TDRP: variants seen among roughly 807,000 people sequenced by gnomAD.
The protein encoded by TDRP is testis development related protein.
In TDRP, 12 loss-of-function variants were observed where a neutral mutation model predicts 10.5. The observed-to-expected ratio is 1.15, with a 90% CI of 0.73 to 1.86. The LOEUF (loss-of-function observed/expected upper bound fraction) is 1.86. Among genes scored for constraint, TDRP ranks in the 40% most tolerant of loss-of-function variants. The probability of loss-of-function intolerance (pLI) is 0.00; values close to 1 mark genes in which losing one functional copy is unlikely to be tolerated. For synonymous variants in TDRP, 139 were observed against 95.4 expected (o/e 1.46, Z -2.67); for missense variants, 353 against 229.2 (o/e 1.54, Z -3.49).
At chr8:522,114 TG>T (rs1216813639) in intron 1 of TDRP, among the ~76,000 whole-genome samples, 1 of 152,224 alleles carries the variant, frequency 6.6e-6, no homozygotes, top group East Asian at 1.9e-4. Flanking sequence ...TTTGTGTGTT[TG>T]GGATCTTTAG....
At chr8:525,026 C>A (rs1802001151) in intron 1 of TDRP, among the ~76,000 whole-genome samples, 2 of 152,054 alleles carry the variant, frequency 1.3e-5, no homozygotes, top group African/African-American at 2.4e-5. Flanking sequence ...ACTAATCAAA[C>A]TCCTAAAGAC....
Position 494,485 on chromosome 8 carries a change from A to G in TDRP, c.212+9T>C, listed in dbSNP as rs6999653. 126,369 of 1,611,866 alleles carry G rather than the reference A, an allele frequency of 0.078. 5,512 individuals carry two copies. The highest frequency in any genetic ancestry group is 0.17 in the African/African-American group (12,460 of 74,954). ...GAAATGATCATTTTCTTACACAGTTATGACTTACCCTTTGGACTTGGGAGA... is the reference window on the plus strand; with the variant it reads ...GAAATGATCATTTTCTTACACAGTTGTGACTTACCCTTTGGACTTGGGAGA... On this transcript the variant is annotated intron_variant, in intron 2 of 2. Coordinates refer to ENST00000324079, the MANE Select transcript of TDRP (RefSeq NM_001384899.1).
chr8:521,258 A>C (rs1344367008), intron 1 of TDRP, among the ~76,000 whole-genome samples: 1 of 149,964 alleles, frequency 6.7e-6, no homozygotes, highest in African/African-American at 2.4e-5. Context: ...AAAAAAAAAA[A>C]AAAAAAAAAA....
intron 1 of TDRP, among the ~76,000 whole-genome samples, chr8:535,321 A>G (rs116166872): frequency 0.02 from 3,066 of 152,148 alleles, 99 homozygotes; most frequent in African/African-American, 0.07. Context: ...GAGAGGAGGC[A>G]GTCTTCCCTC....
At chr8:533,564 G>A (rs936407650) in intron 1 of TDRP, among the ~76,000 whole-genome samples, 6 of 152,158 alleles carry the variant, frequency 3.9e-5, no homozygotes, top group Non-Finnish European at 7.3e-5. Flanking sequence ...AACCCCAGAC[G>A]TTTCATCGGC....
chr8:512,677 T>C (rs901466469), intron 1 of TDRP, among the ~76,000 whole-genome samples: 3 of 151,824 alleles, frequency 2.0e-5, no homozygotes, highest in African/African-American at 7.3e-5. Context: ...TGAATACATA[T>C]ATAACAAGTG....
Position 539,530 on chromosome 8 carries a change from G to A in TDRP, c.108+5120C>T, listed in dbSNP as rs376435513. On this transcript the variant is annotated intron_variant, in intron 1 of 2. Coordinates refer to ENST00000324079, the MANE Select transcript of TDRP (RefSeq NM_001384899.1). ...AGAATGAGGAAGCTCTTCATGTACT[G>A]GTAAGGGCTACAACTTACTGCAAAT... Among the ~76,000 whole-genome samples, 4 of 152,306 alleles carry A rather than the reference G, an allele frequency of 2.6e-5. No homozygotes were observed. In the East Asian group the frequency reaches 5.8e-4, roughly 22 times the overall value.
rs920644317 is a variant in TDRP at position 490,236 on chromosome 8, G to C, written c.*2163C>G. On this transcript the variant is annotated 3_prime_UTR_variant, in exon 3 of 3. Transcript: ENST00000324079. Reference sequence around the variant, plus strand: ...ATAAATATTTATATTAAAAACCACAGTTAATTTAATCAGGCACAGAAGAAA... The same window carrying C: ...ATAAATATTTATATTAAAAACCACACTTAATTTAATCAGGCACAGAAGAAA... The C allele has an allele frequency of 1.3e-5, 2 of 152,106 alleles. No individual in the cohort carries two copies. Among genetic ancestry groups the C allele is most frequent in the African/African-American group, 4.8e-5 (2 of 41,426 alleles). The allele number at this position is 152,106 out of a possible 1,614,324, so 9.4% of individuals were successfully genotyped here.
intron 1 of TDRP, among the ~76,000 whole-genome samples, chr8:540,763 C>T (rs1002303663): frequency 2.1e-5 from 3 of 143,306 alleles, no homozygotes; most frequent in Non-Finnish European, 1.5e-5. Context: ...GAATGCTTCA[C>T]ATTTCAAATT....
chr8:506,645 C>G (rs993810458), intron 1 of TDRP, among the ~76,000 whole-genome samples: 1 of 152,176 alleles, frequency 6.6e-6, no homozygotes, highest in African/African-American at 2.4e-5. Flanking sequence ...CTCCCCACTA[C>G]GGCAAATGCT....
chr8:538,672 T>C (rs1802413198), intron 1 of TDRP, among the ~76,000 whole-genome samples: 2 of 152,226 alleles, frequency 1.3e-5, no homozygotes, highest in South Asian at 4.1e-4. Flanking sequence ...AATACAGTTA[T>C]CTTGACTACA....
chr8:522,640 T>A (rs1285507736), intron 1 of TDRP, among the ~76,000 whole-genome samples: 2 of 152,246 alleles, frequency 1.3e-5, no homozygotes, highest in Admixed American at 6.5e-5. Flanking sequence ...CATGAAATGC[T>A]TAAAAGGTAG....
In TDRP at chr8:499,769, G is replaced by A. The variant is rs558097777; in HGVS notation, c.109-5172C>T. On this transcript the variant is annotated intron_variant, in intron 1 of 2. Coordinates refer to ENST00000324079, the MANE Select transcript of TDRP (RefSeq NM_001384899.1). ...AGCATCCCCCGGGAAGGACAGGAGG[G>A]AAAGTCCTCACCTGAGCACTCTGCT... is the stretch of plus-strand genomic sequence containing the variant. Among the ~76,000 whole-genome samples the A allele has an allele frequency of 6.6e-5, 10 of 152,358 alleles. No homozygotes were observed. The East Asian group carries it at 1.9e-3, about 29-fold the overall frequency.
chr8:524,328 G>A (rs1178665745), intron 1 of TDRP, among the ~76,000 whole-genome samples: 3 of 152,058 alleles, frequency 2.0e-5, no homozygotes, highest in Non-Finnish European at 4.4e-5. Context: ...AAGAAGGATG[G>A]GTACAAACAA....
rs575626804 is a variant in TDRP, at chr8:537,394, G to C, written c.108+7256C>G. ...GCAATGAGCACATTCCAGAGCAAGG[G>C]ATACCAGAAAACCAAATCCTAAGTC... On this transcript the variant is annotated intron_variant, in intron 1 of 2. Coordinates refer to ENST00000324079, the MANE Select transcript of TDRP (RefSeq NM_001384899.1). Among the ~76,000 whole-genome samples the C allele has an allele frequency of 5.9e-5, 9 of 152,308 alleles. No homozygotes were observed. The East Asian group carries it at 1.7e-3, about 29-fold the overall frequency.
intron 1 of TDRP, among the ~76,000 whole-genome samples, chr8:496,207 A>C (rs1179996409): frequency 2.0e-5 from 3 of 152,200 alleles, no homozygotes; most frequent in Non-Finnish European, 4.4e-5. Flanking sequence ...AACCGATCAC[A>C]CAACCCATGT....
chr8:492,725 C>T lies in TDRP; in HGVS notation c.232G>A (p.Glu78Lys), dbSNP rs1563114368. Residue 78 changes from glutamate (E) to lysine (K), a missense_variant, in exon 3 of 3, where the codon GAA becomes AAA. Physicochemically the swap from Glu to Lys is moderately conservative, Grantham distance 56. Transcript: ENST00000324079. ...GATTTCTTCTCTGCCTTCAACTCTT[C>T]TTTTAATCGTAAGTTAGTTCTATAG... ...KSKGTNLRLK[E>K]ELKAEKKSGF... 5.6e-6 allele frequency: 9 copies of T among 1,611,840 alleles called. No individual in the cohort carries two copies. The highest frequency in any genetic ancestry group is 7.6e-6 in the Non-Finnish European group (9 of 1,178,828).
chr8:491,089 A>G lies in TDRP; in HGVS notation c.*1310T>C, dbSNP rs1427845077. ...AAACCTGTTCTATTAAAAAACATGC[A>G]GACACTGATAACACTGCAGTGTGTT... On this transcript the variant is annotated 3_prime_UTR_variant, in exon 3 of 3. Coordinates refer to ENST00000324079, the MANE Select transcript of TDRP (RefSeq NM_001384899.1). 3 of 152,382 alleles carry G rather than the reference A, an allele frequency of 2.0e-5. No individual in the cohort carries two copies. The highest frequency in any genetic ancestry group is 2.9e-5 in the Non-Finnish European group (2 of 68,136). The allele number at this position is 152,382 out of a possible 1,614,324, so 9.4% of individuals were successfully genotyped here. A position where few individuals can be genotyped will look rare whatever the true frequency, so the allele number is the denominator to read the frequency against.
At chr8:496,242 G>C (rs888788306) in intron 1 of TDRP, among the ~76,000 whole-genome samples, 1 of 152,210 alleles carries the variant, frequency 6.6e-6, no homozygotes, top group African/African-American at 2.4e-5. Context: ...TGGCACACTT[G>C]TATGCACATC....
Sources: allele counts gnomAD v4.1 joint callset (sites outside exome capture counted in the v4.1 genomes callset), GRCh38; gene constraint gnomAD v4.1.1; transcripts MANE v1.5; gene names NCBI Gene and HGNC (gene_info 2026-07-23, HGNC 2026-07-21).